The following CCDC73 variants were observed in gnomAD, a reference collection of about 807,000 sequenced individuals.
CCDC73 encodes the protein coiled-coil domain-containing protein 73.
In CCDC73, 95 loss-of-function variants were observed where a neutral mutation model predicts 116.5. That is an observed-to-expected ratio of 0.82 (90% confidence interval 0.69 to 0.97). The LOEUF (loss-of-function observed/expected upper bound fraction) is 0.97. Among genes scored for constraint, CCDC73 ranks in the 50% least tolerant of loss-of-function variants. CCDC73 has a pLI of 0.00. For missense variants in CCDC73, 1,066 were observed against 1,206.8 expected, an observed-to-expected ratio of 0.88 and a Z score of 1.73; for synonymous variants, 398 against 401.3, an observed-to-expected ratio of 0.99 and a Z score of 0.10.
At chr11:32,612,484 C>CT (rs1313713047) in intron 16 of CCDC73, among the ~76,000 whole-genome samples, 4 of 151,684 alleles carry the variant, frequency 2.6e-5, no homozygotes, top group Non-Finnish European at 5.9e-5. Context: ...GGTGTGGTGG[C>CT]TCCCAGCAAT....
intron 1 of CCDC73, among the ~76,000 whole-genome samples, chr11:32,792,566 A>G (rs1381879342): frequency 1.3e-5 from 2 of 152,182 alleles, no homozygotes; most frequent in East Asian, 3.8e-4. Flanking sequence ...TGCTCCCTGG[A>G]ACACAATTTA....
intron 1 of CCDC73, among the ~76,000 whole-genome samples, chr11:32,774,217 A>C (rs921744331): frequency 6.6e-6 from 1 of 151,760 alleles, no homozygotes; most frequent in South Asian, 2.1e-4. Flanking sequence ...AGTACTCTAT[A>C]GATATATTTT....
Position 32,653,960 on chromosome 11 carries a change from T to C in CCDC73, c.834+18A>G. On this transcript the variant is annotated intron_variant, in intron 11 of 17. Transcript: ENST00000335185. ...TTTAGAATATTTACTGGCTTCCAAATAGCTTATGATTGCTTACCTGTTTTT... is the reference window on the plus strand; with the variant it reads ...TTTAGAATATTTACTGGCTTCCAAACAGCTTATGATTGCTTACCTGTTTTT... 1 of 1,590,240 alleles carries C rather than the reference T, an allele frequency of 6.3e-7. No homozygotes were observed.
chr11:32,803,486 A>G, the CCDC73 span, among the ~76,000 whole-genome samples: 1 of 152,252 alleles, frequency 6.6e-6, no homozygotes, highest in Non-Finnish European at 1.5e-5. Context: ...CAAATCACTT[A>G]TCAATTTAGT....
At chr11:32,695,823 T>C (rs534594985) in intron 6 of CCDC73, among the ~76,000 whole-genome samples, 1 of 151,372 alleles carries the variant, frequency 6.6e-6, no homozygotes, top group African/African-American at 2.4e-5. Flanking sequence ...TTTAAGTTTT[T>C]TTTTTGTTTT....
At chr11:32,823,904 T>C in the CCDC73 span, among the ~76,000 whole-genome samples, 1 of 152,080 alleles carries the variant, frequency 6.6e-6, no homozygotes, top group Non-Finnish European at 1.5e-5. Context: ...TTTTGTTTTG[T>C]TTTGTTTTGA....
At chr11:32,703,642 T>C (rs1565080178) in intron 3 of CCDC73, among the ~76,000 whole-genome samples, 1 of 152,180 alleles carries the variant, frequency 6.6e-6, no homozygotes, top group African/African-American at 2.4e-5. Context: ...AAACCAGTTT[T>C]ATCATCTAAG....
At chr11:32,655,548 T>C (rs1855864120) in intron 9 of CCDC73, among the ~76,000 whole-genome samples, 1 of 152,204 alleles carries the variant, frequency 6.6e-6, no homozygotes, top group African/African-American at 2.4e-5. Flanking sequence ...AAGAGAACGA[T>C]ATTTTTCAGG....
intron 13 of CCDC73, among the ~76,000 whole-genome samples, chr11:32,641,595 T>C (rs1432970076): frequency 6.6e-6 from 1 of 151,818 alleles, no homozygotes; most frequent in African/African-American, 2.4e-5. Context: ...GATCAGTTAA[T>C]AATAGTACAT....
At chr11:32,691,331 C>A (rs1458954211) in intron 6 of CCDC73, among the ~76,000 whole-genome samples, 1 of 152,134 alleles carries the variant, frequency 6.6e-6, no homozygotes, top group Non-Finnish European at 1.5e-5. Context: ...CAGGTGTGAG[C>A]CACTGTGCCT....
At chr11:32,790,677 AGAGG>A (rs10606667) in intron 1 of CCDC73, among the ~76,000 whole-genome samples, 83,395 of 151,422 alleles carry the variant, frequency 0.55, 23,480 homozygotes, top group East Asian at 0.84. Context: ...TTTAAGAAAC[AGAGG>A]GAGGATTATA....
At chr11:32,627,246 A>G (rs1368675816) in intron 14 of CCDC73, among the ~76,000 whole-genome samples, 1 of 152,246 alleles carries the variant, frequency 6.6e-6, no homozygotes, top group Non-Finnish European at 1.5e-5. Context: ...CCATCAGAGA[A>G]ATGCAAATCA....
intron 1 of CCDC73, among the ~76,000 whole-genome samples, chr11:32,766,237 G>A (rs1263569071): frequency 6.6e-6 from 1 of 152,080 alleles, no homozygotes; most frequent in African/African-American, 2.4e-5. Context: ...TGCAGAAAAG[G>A]CCTGTGACAA....
chr11:32,665,921 T>A (rs1855976701), intron 9 of CCDC73, among the ~76,000 whole-genome samples: 1 of 152,332 alleles, frequency 6.6e-6, no homozygotes, highest in South Asian at 2.1e-4. Flanking sequence ...CTTATGAAGC[T>A]TAGTTTGGCT....
intron 9 of CCDC73, among the ~76,000 whole-genome samples, chr11:32,668,700 C>A (rs1411824124): frequency 6.6e-6 from 1 of 152,146 alleles, no homozygotes; most frequent in Admixed American, 6.5e-5. Flanking sequence ...TTACTCCATT[C>A]AAGGTAACAA....
At chr11:32,625,127 G>T (rs902235671) in intron 14 of CCDC73, among the ~76,000 whole-genome samples, 3 of 152,052 alleles carry the variant, frequency 2.0e-5, no homozygotes, top group African/African-American at 7.2e-5. Flanking sequence ...TTTTCCATTG[G>T]CTTGGTAGAT....
intron 9 of CCDC73, among the ~76,000 whole-genome samples, chr11:32,661,243 C>G (rs1237304445): frequency 6.6e-6 from 1 of 151,974 alleles, no homozygotes; most frequent in Admixed American, 6.6e-5. Flanking sequence ...AAAAATGTCC[C>G]CTTTTATTTT....
chr11:32,733,472 C>T (rs1414732489), intron 2 of CCDC73, among the ~76,000 whole-genome samples: 1 of 152,152 alleles, frequency 6.6e-6, no homozygotes, highest in Non-Finnish European at 1.5e-5. Flanking sequence ...ATACATTCTT[C>T]TCAGCACCAC....
At chr11:32,701,751 G>A (rs958730363) in intron 4 of CCDC73, among the ~76,000 whole-genome samples, 2 of 151,850 alleles carry the variant, frequency 1.3e-5, no homozygotes, top group African/African-American at 2.4e-5. Flanking sequence ...ACACACCAAA[G>A]GAAAATTATG....
Sources: gnomAD v4.1 joint callset for allele counts (sites outside exome capture counted in the v4.1 genomes callset) on GRCh38, gnomAD v4.1.1 for gene constraint, MANE v1.5 for transcripts, NCBI Gene and HGNC (gene_info 2026-07-23, HGNC 2026-07-21) for gene names.